RIT2: variants seen among roughly 807,000 people sequenced by gnomAD.
RIT2 encodes the protein GTP-binding protein Rit2.
A neutral mutation model predicts 23.7 loss-of-function variants in RIT2; 24 were observed. That is an observed-to-expected ratio of 1.01 (90% CI 0.73 to 1.43). The LOEUF is 1.43. Among genes scored for constraint, RIT2 ranks in the 40% most tolerant of loss-of-function variants. The probability of loss-of-function intolerance (pLI) is 0.00; values close to 1 mark genes in which losing one functional copy is unlikely to be tolerated. For synonymous variants in RIT2, 107 were observed against 91.1 expected (o/e 1.17, Z -0.99); for missense variants, 236 against 266.9 (o/e 0.88, Z 0.81).
At chr18:42,964,415 T>C (rs776981342) in intron 3 of RIT2, among the ~76,000 whole-genome samples, 23 of 151,882 alleles carry the variant, frequency 1.5e-4, no homozygotes, top group Non-Finnish European at 3.2e-4. Flanking sequence ...GCTCCAAGAT[T>C]TTTACCCTAA....
At chr18:43,099,393 T>C (rs12458426) in intron 1 of RIT2, among the ~76,000 whole-genome samples, 32,096 of 151,954 alleles carry the variant, frequency 0.21, 3,569 homozygotes, top group Non-Finnish European at 0.22. Flanking sequence ...GTAACGTAAG[T>C]TTGCATTTTT....
intron 3 of RIT2, among the ~76,000 whole-genome samples, chr18:42,949,600 A>C (rs909935395): frequency 6.6e-5 from 10 of 152,066 alleles, no homozygotes; most frequent in Non-Finnish European, 1.2e-4. Flanking sequence ...TTTCAGTATC[A>C]GCTATACAAG....
At chr18:42,989,909 G>T (rs895184083) in intron 2 of RIT2, among the ~76,000 whole-genome samples, 4 of 151,922 alleles carry the variant, frequency 2.6e-5, no homozygotes, top group Admixed American at 2.0e-4. Context: ...ACTAGTCAGG[G>T]TTATCCAGAG....
intron 3 of RIT2, among the ~76,000 whole-genome samples, chr18:42,960,468 C>A (rs1046348917): frequency 6.6e-6 from 1 of 152,112 alleles, no homozygotes. Context: ...GTGTCCACCA[C>A]CATATTCAGC....
chr18:42,889,569 G>A (rs1236400990), intron 4 of RIT2, among the ~76,000 whole-genome samples: 1 of 151,990 alleles, frequency 6.6e-6, no homozygotes, highest in Admixed American at 6.6e-5. Context: ...GTTTCTAACT[G>A]AAGAAAGAAG....
chr18:42,954,254 G>T (rs552177448), intron 3 of RIT2, among the ~76,000 whole-genome samples: 1 of 151,158 alleles, frequency 6.6e-6, no homozygotes, highest in Admixed American at 6.6e-5. Flanking sequence ...GGCAGCACCT[G>T]TAATCCCGGC....
chr18:42,921,128 C>A (rs1909045974), intron 4 of RIT2, among the ~76,000 whole-genome samples: 1 of 152,172 alleles, frequency 6.6e-6, no homozygotes, highest in Admixed American at 6.5e-5. Flanking sequence ...CTTACAAATA[C>A]ACAGAGTGGT....
intron 4 of RIT2, among the ~76,000 whole-genome samples, chr18:42,868,554 C>T (rs1907533748): frequency 2.6e-5 from 4 of 152,148 alleles, no homozygotes; most frequent in African/African-American, 9.7e-5. Flanking sequence ...TAAATGAGTG[C>T]TTGTTAGATG....
intron 4 of RIT2, among the ~76,000 whole-genome samples, chr18:42,872,430 A>G (rs1288790153): frequency 6.6e-6 from 1 of 152,194 alleles, no homozygotes; most frequent in Non-Finnish European, 1.5e-5. Flanking sequence ...TCTTCTCTCT[A>G]CAACAGTTGA....
Position 43,033,776 on chromosome 18 carries a change from A to G in RIT2, c.160+35T>C, listed in dbSNP as rs755963618. ...CAAGCCACTTAGTCACAGTGTCTTT[A>G]TTTGAGCTTACGGAGAAAGGAAGCT... On this transcript the variant is annotated intron_variant, in intron 2 of 4. Coordinates refer to ENST00000326695, the MANE Select transcript of RIT2 (RefSeq NM_002930.4). The G allele has an allele frequency of 6.8e-6, 10 of 1,465,434 alleles. No homozygotes were observed. The South Asian group carries it at 1.2e-4, about 17-fold the overall frequency. The allele number at this position is 1,465,434 out of a possible 1,614,324, so 90.8% of individuals were successfully genotyped here. A position where few individuals can be genotyped will look rare whatever the true frequency, so the allele number is the denominator to read the frequency against.
chr18:42,838,326 C>T (rs1207817282), intron 4 of RIT2, among the ~76,000 whole-genome samples: 1 of 148,046 alleles, frequency 6.8e-6, no homozygotes, highest in East Asian at 1.9e-4. Flanking sequence ...TTCCCCAAAA[C>T]TTTATTCTGC....
chr18:42,775,849 A>G (rs1913657259), intron 4 of RIT2, among the ~76,000 whole-genome samples: 2 of 119,198 alleles, frequency 1.7e-5, no homozygotes, highest in Admixed American at 1.7e-4. Context: ...GAAGAAACTA[A>G]CACACACACA....
chr18:42,846,776 C>T (rs571109877), intron 4 of RIT2, among the ~76,000 whole-genome samples: 4 of 152,150 alleles, frequency 2.6e-5, no homozygotes, highest in Admixed American at 2.0e-4. Flanking sequence ...AAAAGGAACG[C>T]TTCAAATTTA....
At chr18:42,965,382 T>C (rs1241353617) in intron 3 of RIT2, among the ~76,000 whole-genome samples, 2 of 152,198 alleles carry the variant, frequency 1.3e-5, no homozygotes, top group African/African-American at 4.8e-5. Context: ...TTCATTTTTA[T>C]TAAGTCTTAT....
chr18:42,783,758 C>A (rs1913864104), intron 4 of RIT2, among the ~76,000 whole-genome samples: 1 of 151,994 alleles, frequency 6.6e-6, no homozygotes, highest in Admixed American at 6.6e-5. Context: ...TACCATAGAA[C>A]ATGACATCAT....
intron 1 of RIT2, among the ~76,000 whole-genome samples, chr18:43,100,298 G>T (rs1284740081): frequency 1.3e-5 from 2 of 152,106 alleles, no homozygotes; most frequent in African/African-American, 4.8e-5. Flanking sequence ...CTAACACAAA[G>T]ACCCTAAAAG....
intron 4 of RIT2, among the ~76,000 whole-genome samples, chr18:42,918,831 C>T (rs1908981165): frequency 6.6e-6 from 1 of 151,680 alleles, no homozygotes; most frequent in Admixed American, 6.6e-5. Flanking sequence ...CTAGATTGAT[C>T]CTTTTCAGTC....
At chr18:43,104,135 C>T (rs745564360) in intron 1 of RIT2, among the ~76,000 whole-genome samples, 1 of 152,164 alleles carries the variant, frequency 6.6e-6, no homozygotes, top group Non-Finnish European at 1.5e-5. Flanking sequence ...TCATTTGCCA[C>T]AACATGGATG....
Position 42,909,967 on chromosome 18 carries a change from G to A in RIT2, c.426+13605C>T, listed in dbSNP as rs189764871. ...GGTGTTCTATGTATGCAAAGGAAATGATTGAGACAATTATACCTGAAAGCG... is the reference window on the plus strand; with the variant it reads ...GGTGTTCTATGTATGCAAAGGAAATAATTGAGACAATTATACCTGAAAGCG... On this transcript the variant is annotated intron_variant, in intron 4 of 4. Coordinates refer to ENST00000326695, the MANE Select transcript of RIT2 (RefSeq NM_002930.4). Among the ~76,000 whole-genome samples the A allele has an allele frequency of 2.9e-3, 445 of 152,216 alleles. 4 individuals are homozygous for A. The highest frequency in any genetic ancestry group is 9.9e-3 in the African/African-American group (410 of 41,542).
Sources: allele counts gnomAD v4.1 joint callset (sites outside exome capture counted in the v4.1 genomes callset), GRCh38; gene constraint gnomAD v4.1.1; transcripts MANE v1.5; gene names NCBI Gene and HGNC (gene_info 2026-07-23, HGNC 2026-07-21).